Variants in RPL7A observed in about 807,000 individuals in gnomAD.
RPL7A encodes the protein large ribosomal subunit protein eL8.
For synonymous variants in RPL7A, 158 were observed against 128.2 expected, an observed-to-expected ratio of 1.23 and a Z score of -1.57; for missense variants, 291 against 338.2, an observed-to-expected ratio of 0.86 and a Z score of 1.09.
chr9:133,348,487 C>G (rs1006127023), intron 1 of RPL7A: 1 of 620,652 alleles, frequency 1.6e-6, no homozygotes. Flanking sequence ...TGTCGCAGGG[C>G]TGGGTGTCGC....
At chr9:133,349,735 G>A in intron 3 of RPL7A, 35 bp downstream of exon 3, 2 of 1,609,738 alleles carry the variant, frequency 1.2e-6, no homozygotes, top group South Asian at 1.1e-5. Context: ...AGTTTCTCAG[G>A]CAAGGATTCC....
chr9:133,349,888 C>T (rs2129989400), intron 3 of RPL7A, 24 bp from the exon 4 acceptor site: 3 of 1,609,962 alleles, frequency 1.9e-6, no homozygotes, highest in African/African-American at 2.7e-5. Flanking sequence ...GACTCCAAGC[C>T]TAAACTGAAG....
intron 1 of RPL7A, chr9:133,348,595 C>A: frequency 1.7e-6 from 1 of 599,840 alleles, no homozygotes; most frequent in South Asian, 1.9e-5. Flanking sequence ...GTTCTGAGCC[C>A]GCCCCTGTTG....
Position 133,349,485 on chromosome 9 carries a change from AG to A in RPL7A, c.125-65del, listed in dbSNP as rs2129986566. ...TCGCTGATGCACCAACACCCTTCCT[AG>A]TGGCCCCAGACATGAACTTGACATG... On this transcript the variant is annotated intron_variant, in intron 2 of 7. Coordinates refer to ENST00000323345, the MANE Select transcript of RPL7A (RefSeq NM_000972.3). 10 of 1,595,646 alleles carry A rather than the reference AG, an allele frequency of 6.3e-6. No homozygotes were observed. The Admixed American group carries it at 1.0e-4, about 16-fold the overall frequency.
At chr9:133,348,714 C>T (rs2129980281) in intron 1 of RPL7A, 2 of 795,764 alleles carry the variant, frequency 2.5e-6, no homozygotes, top group Non-Finnish European at 2.2e-6. Flanking sequence ...GCTCTGGCCA[C>T]TCGGGGTTCC....
In RPL7A at chr9:133,348,288, G is replaced by A. The variant is rs2129977790; in HGVS notation, c.3+42G>A. 7.4e-6 allele frequency: 12 copies of A among 1,613,848 alleles called. No individual in the cohort carries two copies. The South Asian group carries it at 1.2e-4, about 16-fold the overall frequency. ...TCCGTGGCACTATAGCCAGGTTCCG[G>A]CTGTATCCGCTGCCATCCTCCTCCA... On this transcript the variant is annotated intron_variant, in intron 1 of 7. Transcript: ENST00000323345.
intron 7 of RPL7A, 38 bp from the exon 8 acceptor site, chr9:133,351,224 C>G: frequency 6.3e-7 from 1 of 1,595,406 alleles, no homozygotes; most frequent in Non-Finnish European, 8.6e-7. Flanking sequence ...TCTCAGAAAA[C>G]AGTAAGCCAA....
chr9:133,348,795 A>G (rs2129980994), intron 1 of RPL7A, 127 bp from the exon 2 acceptor site: 2 of 1,453,830 alleles, frequency 1.4e-6, no homozygotes, highest in East Asian at 2.3e-5. Flanking sequence ...GGTTGCAGAA[A>G]GCTGCTCGCC....
intron 1 of RPL7A, chr9:133,348,499 G>A: frequency 1.6e-6 from 1 of 614,364 alleles, no homozygotes; most frequent in South Asian, 1.9e-5. Context: ...GGGTGTCGCA[G>A]GCCTGGAGCA....
At position 133,351,224 on chromosome 9, in the gene RPL7A, C is replaced by T. The variant is rs2129998687; in HGVS notation, c.697-38C>T. On this transcript the variant is annotated intron_variant, in intron 7 of 7. Transcript: ENST00000323345. ...TAATAACCTTGAAAATCTCAGAAAACAGTAAGCCAAGCTAACTGCCTCTTT... is the reference window on the plus strand; with the variant it reads ...TAATAACCTTGAAAATCTCAGAAAATAGTAAGCCAAGCTAACTGCCTCTTT... The T allele has an allele frequency of 9.4e-6, 15 of 1,595,288 alleles. No homozygotes were observed. The African/African-American group carries it at 1.1e-4, about 11-fold the overall frequency.
At chr9:133,350,906 G>A in intron 6 of RPL7A, 96 bp from the exon 7 acceptor site, 1 of 1,503,974 alleles carries the variant, frequency 6.6e-7, no homozygotes, top group Non-Finnish European at 9.3e-7. Flanking sequence ...CATTGCATCT[G>A]AGGCAAAAGA....
intron 4 of RPL7A, 76 bp downstream of exon 4, chr9:133,350,128 A>T: frequency 6.2e-7 from 1 of 1,613,248 alleles, no homozygotes; most frequent in Non-Finnish European, 8.5e-7. Flanking sequence ...GCCTGAAATT[A>T]CTGTGAAGAG....
rs2129977157 is a variant in RPL7A, at chr9:133,348,241, A to G, written c.-3A>G. ...TCCTTTCTCTCTCCTCCCGCCGCCC[A>G]AGATGGTGAGTGAGCTGTAGTTCCG... On this transcript the variant is annotated 5_prime_UTR_variant, in exon 1 of 8. Transcript: ENST00000323345. 19 of 1,613,968 alleles carry G rather than the reference A, an allele frequency of 1.2e-5. No homozygotes were observed. The highest frequency in any genetic ancestry group is 1.6e-4 in the Middle Eastern group (1 of 6,062).
chr9:133,348,963 C>A lies in RPL7A; in HGVS notation c.45C>A (p.Ala15=). 3 of 1,613,988 alleles carry A rather than the reference C, an allele frequency of 1.9e-6. No individual in the cohort carries two copies. The highest frequency in any genetic ancestry group is 2.5e-6 in the Non-Finnish European group (3 of 1,180,014). Residue 15 remains alanine, a synonymous_variant, in exon 2 of 8, where the codon GCC becomes GCA. Transcript: ENST00000323345. The part of the protein sequence containing the change: ...KKAKGKKVAP[A]PAVVKKQEAK... ...CCAAGGGAAAGAAGGTGGCTCCGGC[C>A]CCAGCTGTCGTGAAGAAGCAGGAGG...
At chr9:133,349,768 G>A (rs1417854406) in intron 3 of RPL7A, 68 bp downstream of exon 3, 19 of 1,600,322 alleles carry the variant, frequency 1.2e-5, no homozygotes, top group Admixed American at 8.5e-5. Context: ...GAACATGAGG[G>A]GGATGGTCTT....
rs2129986780 is a variant in RPL7A, at chr9:133,349,500, G to T, written c.125-51G>T. ...CACCCTTCCTAGTGGCCCCAGACATGAACTTGACATGGAATTTGAGCCTCA... is the reference window on the plus strand; with the variant it reads ...CACCCTTCCTAGTGGCCCCAGACATTAACTTGACATGGAATTTGAGCCTCA... On this transcript the variant is annotated intron_variant, in intron 2 of 7. Coordinates refer to ENST00000323345, the MANE Select transcript of RPL7A (RefSeq NM_000972.3). 6.8e-6 allele frequency: 11 copies of T among 1,613,328 alleles called. No homozygotes were observed. The East Asian group carries it at 2.5e-4, about 36-fold the overall frequency.
chr9:133,350,475 T>C (rs1026368701), intron 5 of RPL7A, 122 bp from the exon 6 acceptor site: 7 of 1,544,478 alleles, frequency 4.5e-6, no homozygotes, highest in Non-Finnish European at 6.3e-6. Context: ...TGTGAATCTC[T>C]CACTGAATTC....
At chr9:133,349,479 C>G (rs1252631981) in intron 2 of RPL7A, 72 bp from the exon 3 acceptor site, 46 of 1,590,426 alleles carry the variant, frequency 2.9e-5, no homozygotes, top group Non-Finnish European at 3.7e-5. Context: ...CACCAACACC[C>G]TTCCTAGTGG....
At chr9:133,349,391 TTG>T in intron 2 of RPL7A, 158 bp from the exon 3 acceptor site, 1 of 980,972 alleles carries the variant, frequency 1.0e-6, no homozygotes, top group Non-Finnish European at 1.7e-6. Flanking sequence ...TCTCAGGTGT[TTG>T]TGTGCAGATG....
Sources: allele counts gnomAD v4.1 joint callset, GRCh38; gene constraint gnomAD v4.1.1; transcripts MANE v1.5; gene names NCBI Gene and HGNC (gene_info 2026-07-23, HGNC 2026-07-21).